Variants in DECR1 observed in about 807,000 individuals in gnomAD.
DECR1 encodes the protein 2,4-dienoyl-CoA reductase [(3E)-enoyl-CoA-producing], mitochondrial.
DECR1 carries 44 observed loss-of-function variants against 38.8 expected under a neutral mutation model. The ratio of observed to expected loss-of-function variants is 1.13; its 90% CI spans 0.89 to 1.46. The LOEUF (loss-of-function observed/expected upper bound fraction) is 1.46. Among genes scored for constraint, DECR1 ranks in the 40% most tolerant of loss-of-function variants. The probability of loss-of-function intolerance (pLI) is 0.00; values close to 1 mark genes in which losing one functional copy is unlikely to be tolerated. For missense variants in DECR1, 428 were observed against 405.5 expected (o/e 1.06, Z -0.48); for synonymous variants, 148 against 135.2 (o/e 1.09, Z -0.66).
At chr8:90,006,147 G>A in intron 1 of DECR1, 1 of 698,482 alleles carries the variant, frequency 1.4e-6, no homozygotes, top group Non-Finnish European at 2.6e-6. Flanking sequence ...AGTTTTCAAG[G>A]GACAAACATC....
chr8:90,013,730 T>A (rs1812943290), intron 1 of DECR1, among the ~76,000 whole-genome samples: 1 of 152,198 alleles, frequency 6.6e-6, no homozygotes, highest in Admixed American at 6.5e-5. Flanking sequence ...ATATTTGGCC[T>A]AGAATCACTA....
intron 6 of DECR1, among the ~76,000 whole-genome samples, chr8:90,039,593 C>T (rs1408976031): frequency 1.3e-5 from 2 of 152,140 alleles, no homozygotes; most frequent in Non-Finnish European, 2.9e-5. Context: ...ATGTCACCAT[C>T]CTACCTTCTT....
chr8:90,051,007 C>T (rs1262364447), intron 8 of DECR1, among the ~76,000 whole-genome samples: 1 of 151,938 alleles, frequency 6.6e-6, no homozygotes, highest in Admixed American at 6.6e-5. Flanking sequence ...GTGAACATCA[C>T]ACATGGGGGC....
rs770378450 is a variant in DECR1 at position 90,051,838 on chromosome 8, G to A, written c.949G>A (p.Val317Ile). ...TAAATTGACATCTTTTTTGTGTTAG[G>A]TCACCAAGGAGCAGTGGGACACCAT... ...ISGEFNDLRKVTKEQWDTIEE... is the reference protein window; with the variant it reads ...ISGEFNDLRKITKEQWDTIEE... The change falls in exon 10 of 10, where the codon GTC (valine) becomes ATC (isoleucine). Residue 317 changes from valine (V) to isoleucine (I), a missense_variant and splice_region_variant. Physicochemically the swap from Val to Ile is conservative, Grantham distance 29. Transcript: ENST00000220764. 3.1e-6 allele frequency: 5 copies of A among 1,613,450 alleles called. No individual in the cohort carries two copies. The African/African-American group carries it at 6.7e-5, about 22-fold the overall frequency.
chr8:90,024,336 A>G (rs1813247541), intron 5 of DECR1, among the ~76,000 whole-genome samples: 1 of 152,254 alleles, frequency 6.6e-6, no homozygotes, highest in South Asian at 2.1e-4. Flanking sequence ...TCCCACCAAC[A>G]GTGTAAAAGT....
intron 6 of DECR1, among the ~76,000 whole-genome samples, chr8:90,040,492 T>G (rs1340305164): frequency 6.6e-6 from 1 of 152,220 alleles, no homozygotes; most frequent in Non-Finnish European, 1.5e-5. Flanking sequence ...TTTAAAATTA[T>G]ACTTTAAGTT....
chr8:90,013,809 G>A (rs1812945152), intron 1 of DECR1, among the ~76,000 whole-genome samples: 3 of 152,130 alleles, frequency 2.0e-5, no homozygotes, highest in Admixed American at 2.0e-4. Context: ...AGTAATTTAG[G>A]TATATATCTC....
At chr8:90,026,959 C>T (rs2130088982) in intron 5 of DECR1, among the ~76,000 whole-genome samples, 1 of 152,272 alleles carries the variant, frequency 6.6e-6, no homozygotes, top group South Asian at 2.1e-4. Flanking sequence ...ATCTTTATTT[C>T]TGCTTTCATT....
intron 5 of DECR1, among the ~76,000 whole-genome samples, 185 bp from the exon 6 acceptor site, chr8:90,036,656 A>T (rs775978248): frequency 2.6e-5 from 4 of 152,214 alleles, no homozygotes; most frequent in Non-Finnish European, 4.4e-5. Flanking sequence ...TCATAAGATT[A>T]GTAGCAAGAC....
chr8:90,042,812 T>G lies in DECR1; in HGVS notation c.738+12T>G. On this transcript the variant is annotated intron_variant, in intron 7 of 9. Coordinates refer to ENST00000220764, the MANE Select transcript of DECR1 (RefSeq NM_001359.2). ...CTATAAAAACCAAAGTAAGTTGTAT[T>G]TTGCTTGTTATCACATTGTGAATGA... 1 of 1,607,604 alleles carries G rather than the reference T, an allele frequency of 6.2e-7. No homozygotes were observed. Among genetic ancestry groups the G allele is most frequent in the South Asian group, 1.1e-5 (1 of 90,942 alleles).
At chr8:90,007,080 AC>A (rs1438327529) in intron 1 of DECR1, among the ~76,000 whole-genome samples, 1 of 152,112 alleles carries the variant, frequency 6.6e-6, no homozygotes, top group Non-Finnish European at 1.5e-5. Context: ...TAGGGAAAGC[AC>A]CAGAGCTCTC....
At chr8:90,038,406 A>C (rs1424063035) in intron 6 of DECR1, among the ~76,000 whole-genome samples, 1 of 151,716 alleles carries the variant, frequency 6.6e-6, no homozygotes, top group Non-Finnish European at 1.5e-5. Flanking sequence ...TTCTAAAATG[A>C]AGGTAATATA....
intron 8 of DECR1, among the ~76,000 whole-genome samples, chr8:90,045,301 G>T (rs1344267416): frequency 6.6e-6 from 1 of 152,064 alleles, no homozygotes; most frequent in Non-Finnish European, 1.5e-5. Context: ...CTGACAGATG[G>T]TACCTGGAAA....
chr8:90,035,511 G>T (rs2107466), intron 5 of DECR1, among the ~76,000 whole-genome samples: 80,806 of 151,678 alleles, frequency 0.53, 24,962 homozygotes, highest in African/African-American at 0.86. Flanking sequence ...TTTTTCTGCT[G>T]TAGAAGCCAT....
intron 6 of DECR1, among the ~76,000 whole-genome samples, chr8:90,039,895 T>C (rs1254563285): frequency 6.6e-6 from 1 of 152,228 alleles, no homozygotes; most frequent in Non-Finnish European, 1.5e-5. Context: ...AAGTATATAA[T>C]AAACATTGGT....
intron 6 of DECR1, among the ~76,000 whole-genome samples, chr8:90,038,374 A>G (rs576922720): frequency 1.3e-5 from 2 of 151,668 alleles, no homozygotes; most frequent in Admixed American, 6.6e-5. Flanking sequence ...ATCTAGTGAG[A>G]GGACAAACAC....
At chr8:90,013,622 AC>A (rs1052359525) in intron 1 of DECR1, among the ~76,000 whole-genome samples, 13 of 152,008 alleles carry the variant, frequency 8.6e-5, no homozygotes, top group Admixed American at 3.9e-4. Context: ...GGTAAGGTGT[AC>A]CCAAGTGTTG....
At chr8:90,048,730 C>T (rs1270179578) in intron 8 of DECR1, among the ~76,000 whole-genome samples, 2 of 151,834 alleles carry the variant, frequency 1.3e-5, no homozygotes, top group Non-Finnish European at 2.9e-5. Flanking sequence ...AGAGATACAA[C>T]AACAAAAAAA....
intron 5 of DECR1, among the ~76,000 whole-genome samples, chr8:90,033,519 G>A (rs1037833631): frequency 3.3e-5 from 5 of 152,088 alleles, no homozygotes; most frequent in African/African-American, 7.2e-5. Flanking sequence ...GGGGATCTAG[G>A]AATTCTTTAC....
Sources: allele counts gnomAD v4.1 joint callset (sites outside exome capture counted in the v4.1 genomes callset), GRCh38; gene constraint gnomAD v4.1.1; transcripts MANE v1.5; gene names NCBI Gene and HGNC (gene_info 2026-07-23, HGNC 2026-07-21).